TGM7: variants seen among roughly 807,000 people sequenced by gnomAD.
TGM7 encodes protein-glutamine gamma-glutamyltransferase Z.
TGM7 carries 74 observed loss-of-function variants against 79.5 expected under a neutral mutation model. The ratio of observed to expected loss-of-function variants is 0.93; its 90% confidence interval spans 0.77 to 1.13. TGM7 has a LOEUF of 1.13. Ranked by LOEUF, TGM7 falls within the 50% of genes most tolerant of loss-of-function variation. The pLI is 0.00. For synonymous variants in TGM7, 354 were observed against 362.5 expected (o/e 0.98, Z 0.27); for missense variants, 912 against 905.9 (o/e 1.01, Z -0.09).
intron 7 of TGM7, 49 bp downstream of exon 7, chr15:43,284,764 CT>C: frequency 6.3e-7 from 1 of 1,599,990 alleles, no homozygotes; most frequent in Non-Finnish European, 8.6e-7. Context: ...GTCAGTTTTT[CT>C]GCCCTCCCTG....
Position 43,278,760 on chromosome 15 carries a change from C to T in TGM7, c.1839+357G>A, listed in dbSNP as rs564763086. Reference sequence around the variant, plus strand: ...TGAGCCACCATGCTTAGCCAGTGGTCATCGTTTGAATTTGACTTTGTGGAG... The same window carrying T: ...TGAGCCACCATGCTTAGCCAGTGGTTATCGTTTGAATTTGACTTTGTGGAG... On this transcript the variant is annotated intron_variant, in intron 11 of 12. Coordinates refer to ENST00000452443, the MANE Select transcript of TGM7 (RefSeq NM_052955.3). Among the ~76,000 whole-genome samples the T allele has an allele frequency of 2.0e-5, 3 of 152,360 alleles. No homozygotes were observed. The South Asian group carries it at 6.2e-4, about 32-fold the overall frequency.
chr15:43,279,102 A>G lies in TGM7; in HGVS notation c.1839+15T>C. 6.2e-7 allele frequency: 1 copy of G among 1,606,126 alleles called. No individual in the cohort carries two copies. The highest frequency in any genetic ancestry group is 1.1e-5 in the South Asian group (1 of 90,352). On this transcript the variant is annotated intron_variant, in intron 11 of 12. Coordinates refer to ENST00000452443, the MANE Select transcript of TGM7 (RefSeq NM_052955.3). Reference sequence around the variant, plus strand: ...TCAGAGAGCCTCAGAGCCCCCACCCATGTCCAGACACTACCTCAATAGACA... The same window carrying G: ...TCAGAGAGCCTCAGAGCCCCCACCCGTGTCCAGACACTACCTCAATAGACA...
chr15:43,300,464 A>T (rs982153898), intron 1 of TGM7, among the ~76,000 whole-genome samples: 3 of 152,082 alleles, frequency 2.0e-5, no homozygotes, highest in African/African-American at 7.2e-5. Context: ...AGATTTTCAA[A>T]TTTTTTTTCC....
intron 1 of TGM7, among the ~76,000 whole-genome samples, chr15:43,301,638 A>AG (rs1220208153): frequency 7.5e-4 from 114 of 151,396 alleles, no homozygotes; most frequent in African/African-American, 2.5e-3. Flanking sequence ...TCAAAAAAAA[A>AG]AAAAAGAAAA....
intron 4 of TGM7, among the ~76,000 whole-genome samples, chr15:43,288,687 C>T (rs948639952): frequency 1.3e-5 from 2 of 152,004 alleles, no homozygotes; most frequent in East Asian, 1.9e-4. Context: ...CCCAGTACTT[C>T]GAGAGGCCGA....
Position 43,276,515 on chromosome 15 carries a change from G to A in TGM7, c.2073C>T (p.Asn691=), listed in dbSNP as rs374398713. Residue 691 remains asparagine, a synonymous_variant, in exon 13 of 13, where the codon AAC becomes AAT. Transcript: ENST00000452443. ...TGTAGCCTTTGATCTCCTTGACCTCGTTGCTGCTGATGAGAACCTGGAGCT... is the reference window on the plus strand; with the variant it reads ...TGTAGCCTTTGATCTCCTTGACCTCATTGCTGCTGATGAGAACCTGGAGCT... ...PRQLQVLISS[N]EVKEIKGYKD... 5.5e-5 allele frequency: 88 copies of A among 1,614,154 alleles called. No homozygotes were observed. Among genetic ancestry groups the A allele is most frequent in the African/African-American group, 3.2e-4 (24 of 75,026 alleles).
At chr15:43,285,728 T>C (rs1417609222) in intron 6 of TGM7, among the ~76,000 whole-genome samples, 1 of 152,168 alleles carries the variant, frequency 6.6e-6, no homozygotes, top group African/African-American at 2.4e-5. Flanking sequence ...CCATCTTTAA[T>C]AAGGCAGCAG....
intron 9 of TGM7, among the ~76,000 whole-genome samples, chr15:43,280,877 G>A (rs1244998452): frequency 1.3e-5 from 2 of 152,324 alleles, no homozygotes; most frequent in Non-Finnish European, 2.9e-5. Flanking sequence ...AGAAGAAAGG[G>A]CTCCCTGCTT....
At chr15:43,297,621 GAAAGAAAGAAAGAA>G (rs1165039831) in intron 1 of TGM7, among the ~76,000 whole-genome samples, 10 of 151,268 alleles carry the variant, frequency 6.6e-5, no homozygotes, top group Middle Eastern at 3.4e-3. Context: ...AAGAAAGAAA[GAAAGAAAGAAAGAA>G]AAAGAAAGAA....
Position 43,276,282 on chromosome 15 carries a change from A to G in TGM7, c.*173T>C. On this transcript the variant is annotated 3_prime_UTR_variant, in exon 13 of 13. Transcript: ENST00000452443. ...AAGTGGCTTGAGAATGCTGGTGATA[A>G]ATAAAGACATCTTTATTGTCTCTTC... 1.3e-6 allele frequency: 1 copy of G among 788,172 alleles called. No individual in the cohort carries two copies. The allele number at this position is 788,172 out of a possible 1,614,324, so 48.8% of individuals were successfully genotyped here.
Position 43,279,880 on chromosome 15 carries a change from G to T in TGM7, c.1423C>A (p.Pro475Thr), listed in dbSNP as rs889702421. 3 of 1,614,212 alleles carry T rather than the reference G, an allele frequency of 1.9e-6. No individual in the cohort carries two copies. Among genetic ancestry groups the T allele is most frequent in the South Asian group, 2.2e-5 (2 of 91,090 alleles). ...CCAGACTCCAGGAGATCCAGGAAGG[G>T]CAAAGAAGCTCTTTGGGGGCCCAGC... The part of the protein sequence containing the change: ...KMLGPQRASL[P>T]FLDLLESGGL... The change falls in exon 10 of 13, where the codon CCC becomes ACC. Residue 475 changes from proline (P) to threonine (T), a missense_variant. Physicochemically the swap from Pro to Thr is conservative, Grantham distance 38. Transcript: ENST00000452443.
intron 6 of TGM7, among the ~76,000 whole-genome samples, chr15:43,286,010 G>GA (rs775693404): frequency 2.0e-5 from 3 of 152,156 alleles, no homozygotes; most frequent in Non-Finnish European, 4.4e-5. Flanking sequence ...AGGAGGGGCA[G>GA]ACGGTGCCTA....
chr15:43,295,424 C>A (rs2042987640), intron 1 of TGM7, among the ~76,000 whole-genome samples: 1 of 152,146 alleles, frequency 6.6e-6, no homozygotes, highest in South Asian at 2.1e-4. Context: ...AACCCTGCAT[C>A]TACTAAAATA....
intron 6 of TGM7, among the ~76,000 whole-genome samples, chr15:43,286,375 T>C (rs559489752): frequency 4.6e-5 from 7 of 152,304 alleles, no homozygotes; most frequent in African/African-American, 1.7e-4. Flanking sequence ...TAGCACGGCC[T>C]GGGGACTTCC....
At chr15:43,294,039 C>T (rs2042980576) in intron 1 of TGM7, among the ~76,000 whole-genome samples, 1 of 152,046 alleles carries the variant, frequency 6.6e-6, no homozygotes, top group East Asian at 1.9e-4. Flanking sequence ...TCCAGATAAC[C>T]GAAACTTAAC....
chr15:43,281,732 G>C (rs1334733292), intron 9 of TGM7, 112 bp downstream of exon 9: 20 of 1,504,426 alleles, frequency 1.3e-5, no homozygotes, highest in Middle Eastern at 3.9e-4. Flanking sequence ...CTAGGAGTTT[G>C]CCATGAGGAA....
chr15:43,281,992 G>C lies in TGM7; in HGVS notation c.1203C>G (p.Asn401Lys). 1.2e-6 allele frequency: 2 copies of C among 1,614,180 alleles called. No individual in the cohort carries two copies. The highest frequency in any genetic ancestry group is 1.7e-6 in the Non-Finnish European group (2 of 1,180,022). ...CAAGGAGCCAAATGACTTCATCGGCGTTCACCTCGGCATACACAAAAGGGG... is the reference window on the plus strand; with the variant it reads ...CAAGGAGCCAAATGACTTCATCGGCCTTCACCTCGGCATACACAAAAGGGG... ...YDTPFVYAEVNADEVIWLLGD... is the reference protein window; with the variant it reads ...YDTPFVYAEVKADEVIWLLGD... Residue 401 changes from asparagine to lysine, a missense_variant, in exon 9 of 13, where the codon AAC (asparagine) becomes AAG (lysine). Transcript: ENST00000452443.
intron 1 of TGM7, among the ~76,000 whole-genome samples, chr15:43,300,907 C>T (rs534358782): frequency 6.6e-6 from 1 of 152,356 alleles, no homozygotes; most frequent in Non-Finnish European, 1.5e-5. Context: ...ACCCTGGAAT[C>T]TAGCACGTGA....
At chr15:43,295,193 T>C (rs1372650079) in intron 1 of TGM7, among the ~76,000 whole-genome samples, 1 of 152,252 alleles carries the variant, frequency 6.6e-6, no homozygotes, top group Admixed American at 6.5e-5. Flanking sequence ...CCAGTCTTCA[T>C]CTAAGTAATC....
Sources: allele counts gnomAD v4.1 joint callset (sites outside exome capture counted in the v4.1 genomes callset), GRCh38; gene constraint gnomAD v4.1.1; transcripts MANE v1.5; gene names NCBI Gene and HGNC (gene_info 2026-07-23, HGNC 2026-07-21).